Variants in CD300LG observed in about 807,000 individuals in gnomAD.
CD300LG encodes the protein CD300 molecule like family member g.
CD300LG carries 29 observed loss-of-function variants against 31.5 expected under a neutral mutation model. The observed-to-expected ratio is 0.92, with a 90% CI of 0.68 to 1.25. The LOEUF (loss-of-function observed/expected upper bound fraction) is 1.25. CD300LG is among the 50% of genes most tolerant of loss of function. The pLI is 0.00. For missense variants in CD300LG, 396 were observed against 417.6 expected, an observed-to-expected ratio of 0.95 and a Z score of 0.45; for synonymous variants, 175 against 177.2, an observed-to-expected ratio of 0.99 and a Z score of 0.10.
intron 2 of CD300LG, among the ~76,000 whole-genome samples, chr17:43,850,143 TGAA>T: frequency 6.6e-6 from 1 of 152,224 alleles, no homozygotes; most frequent in South Asian, 2.1e-4. Context: ...ATGTTGAAAA[TGAA>T]GAAGACTGAC....
rs577727057 is a variant in CD300LG, at chr17:43,857,007, G to A, written c.833-97G>A. The A allele has an allele frequency of 1.1e-4, 140 of 1,231,796 alleles. No homozygotes were observed. The African/African-American group carries it at 1.7e-3, about 15-fold the overall frequency. The allele number at this position is 1,231,796 out of a possible 1,614,324, so 76.3% of individuals were successfully genotyped here. On this transcript the variant is annotated intron_variant, in intron 5 of 6. Coordinates refer to ENST00000317310, the MANE Select transcript of CD300LG (RefSeq NM_145273.4). ...CTCCCTCTGGGAAGCCCCTGCTCCC[G>A]TGTGCAAGGGGGCCAGTCCACCTTT... is the stretch of plus-strand genomic sequence containing the variant.
intron 6 of CD300LG, among the ~76,000 whole-genome samples, chr17:43,859,295 C>T (rs2046605816): frequency 6.6e-6 from 1 of 152,216 alleles, no homozygotes; most frequent in Non-Finnish European, 1.5e-5. Context: ...TCAGCCCTGG[C>T]TTCCCAAGAC....
chr17:43,848,574 G>C lies in CD300LG; in HGVS notation c.60G>C (p.Glu20Asp). 6.2e-7 allele frequency: 1 copy of C among 1,613,758 alleles called. No individual in the cohort carries two copies. Residue 20 changes from glutamate to aspartate, a missense_variant, in exon 2 of 7, where the codon GAG becomes GAC. Physicochemically the swap from Glu to Asp is conservative, Grantham distance 45. Coordinates refer to ENST00000317310, the MANE Select transcript of CD300LG (RefSeq NM_145273.4). ...TGATTTTAGGTTATGAAGCCCTGGAGGGCCCAGAGGAAATCAGCGGGTTCG... is the reference window on the plus strand; with the variant it reads ...TGATTTTAGGTTATGAAGCCCTGGACGGCCCAGAGGAAATCAGCGGGTTCG... ...CLLLPGYEAL[E>D]GPEEISGFEG...
chr17:43,862,151 G>A lies in CD300LG; in HGVS notation c.*240G>A, dbSNP rs2046666963. On this transcript the variant is annotated 3_prime_UTR_variant, in exon 7 of 7. Coordinates refer to ENST00000317310, the MANE Select transcript of CD300LG (RefSeq NM_145273.4). ...CTGGAGACTGGGACATCCCTGATAG[G>A]TTCACATCCCTGGGCAGAGTACCAG... 2 of 371,526 alleles carry A rather than the reference G, an allele frequency of 5.4e-6. No individual in the cohort carries two copies. The highest frequency in any genetic ancestry group is 4.2e-5 in the African/African-American group (2 of 47,590). The allele number at this position is 371,526 out of a possible 1,614,324, so 23.0% of individuals were successfully genotyped here. A position where few individuals can be genotyped will look rare whatever the true frequency, so the allele number is the denominator to read the frequency against.
chr17:43,853,968 C>G lies in CD300LG; in HGVS notation c.643C>G (p.Arg215Gly). The G allele has an allele frequency of 6.8e-6, 11 of 1,614,142 alleles. No individual in the cohort carries two copies. Among genetic ancestry groups the G allele is most frequent in the South Asian group, 1.1e-5 (1 of 91,078 alleles). The change falls in exon 4 of 7, where the codon CGC (arginine) becomes GGC (glycine). Residue 215 changes from arginine (R) to glycine (G), a missense_variant. Coordinates refer to ENST00000317310, the MANE Select transcript of CD300LG (RefSeq NM_145273.4). ...GACCTCTCCTCCTGCAGGGAGCTCC[C>G]GCCCCCCCATGCAGCTGGACTCCAC... is the stretch of plus-strand genomic sequence containing the variant. ...PATSPPAGSSRPPMQLDSTSA... is the reference protein window; with the variant it reads ...PATSPPAGSSGPPMQLDSTSA...
intron 4 of CD300LG, 109 bp from the exon 5 acceptor site, chr17:43,855,098 G>A (rs1023089928): frequency 2.0e-6 from 1 of 491,296 alleles, no homozygotes; most frequent in Non-Finnish European, 3.3e-6. Flanking sequence ...CATTGAATTG[G>A]ATTCCACACT....
chr17:43,856,542 C>T (rs569305877), intron 5 of CD300LG, among the ~76,000 whole-genome samples: 7 of 152,330 alleles, frequency 4.6e-5, no homozygotes, highest in South Asian at 2.1e-4. Flanking sequence ...CCCATGGAGG[C>T]GGCCACAGGG....
At chr17:43,849,147 G>T in intron 2 of CD300LG, 1 of 559,204 alleles carries the variant, frequency 1.8e-6, no homozygotes, top group Non-Finnish European at 3.2e-6. Context: ...GTCCAGGGCT[G>T]GGCTCGGCGC....
chr17:43,855,247 G>T lies in CD300LG; in HGVS notation c.760G>T (p.Val254Leu). 3.7e-6 allele frequency: 6 copies of T among 1,610,338 alleles called. No homozygotes were observed. The highest frequency in any genetic ancestry group is 5.1e-6 in the Non-Finnish European group (6 of 1,178,932). ...GGTCCGCATACTGGCCCCAGTCCTG[G>T]TGCTGCTGAGCCTTCTGTCAGCCGC... ...PMVRILAPVL[V>L]LLSLLSAAGL... Residue 254 changes from valine to leucine, a missense_variant, in exon 5 of 7, where the codon GTG (valine) becomes TTG (leucine). By Grantham distance (32) the Val-to-Leu change is conservative. Coordinates refer to ENST00000317310, the MANE Select transcript of CD300LG (RefSeq NM_145273.4).
intron 5 of CD300LG, 69 bp from the exon 6 acceptor site, chr17:43,857,034 TG>T: frequency 6.6e-7 from 1 of 1,507,158 alleles, no homozygotes; most frequent in Non-Finnish European, 9.2e-7. Context: ...TCCACCTTTC[TG>T]GGAGCAGCTA....
At chr17:43,857,662 T>A (rs2046564282) in intron 6 of CD300LG, 1 of 1,200,428 alleles carries the variant, frequency 8.3e-7, no homozygotes, top group Non-Finnish European at 1.2e-6. Context: ...CAAACTCTAG[T>A]GTGCTTTTAC....
chr17:43,860,992 G>A (rs1323634085), intron 6 of CD300LG: 1 of 508,664 alleles, frequency 2.0e-6, no homozygotes, highest in African/African-American at 2.1e-5. Context: ...GAGGCATCCA[G>A]GAGCTTAGTA....
chr17:43,861,110 G>C (rs1377438499), intron 6 of CD300LG: 1 of 985,374 alleles, frequency 1.0e-6, no homozygotes, highest in East Asian at 1.1e-4. Context: ...AGAACAGGCT[G>C]TTCTGACCAA....
At chr17:43,856,509 G>A (rs181464113) in intron 5 of CD300LG, among the ~76,000 whole-genome samples, 1 of 152,280 alleles carries the variant, frequency 6.6e-6, no homozygotes, top group African/African-American at 2.4e-5. Flanking sequence ...TGGTGGAGCC[G>A]GGAAGATAAT....
chr17:43,857,046 C>T (rs898201684), intron 5 of CD300LG, 58 bp from the exon 6 acceptor site: 8 of 1,564,846 alleles, frequency 5.1e-6, no homozygotes, highest in African/African-American at 1.4e-5. Context: ...GGAGCAGCTA[C>T]AGGCCACTCC....
At chr17:43,850,478 TTCA>T (rs1175890661) in intron 2 of CD300LG, among the ~76,000 whole-genome samples, 2 of 152,062 alleles carry the variant, frequency 1.3e-5, no homozygotes, top group Non-Finnish European at 2.9e-5. Flanking sequence ...CATTCATTCA[TTCA>T]TTTTTCTGAG....
chr17:43,854,378 C>CA (rs2046451982), intron 4 of CD300LG, among the ~76,000 whole-genome samples: 1 of 152,238 alleles, frequency 6.6e-6, no homozygotes, highest in Non-Finnish European at 1.5e-5. Flanking sequence ...CATGAAAACT[C>CA]AGAGTCCAAA....
At chr17:43,861,012 C>A in intron 6 of CD300LG, 1 of 743,842 alleles carries the variant, frequency 1.3e-6, no homozygotes, top group Non-Finnish European at 1.6e-6. Context: ...ATTCTCCCCT[C>A]CCGGCACCTC....
At chr17:43,859,629 T>G (rs2046612994) in intron 6 of CD300LG, among the ~76,000 whole-genome samples, 1 of 152,168 alleles carries the variant, frequency 6.6e-6, no homozygotes, top group South Asian at 2.1e-4. Flanking sequence ...ATTGCAAAGC[T>G]GTAAATATGG....
Sources: gnomAD v4.1 joint callset for allele counts (sites outside exome capture counted in the v4.1 genomes callset) on GRCh38, gnomAD v4.1.1 for gene constraint, MANE v1.5 for transcripts, NCBI Gene and HGNC (gene_info 2026-07-23, HGNC 2026-07-21) for gene names.